Variants in ACCSL observed in about 807,000 individuals in gnomAD.
The protein encoded by ACCSL is 1-aminocyclopropane-1-carboxylate synthase homolog (inactive) like.
Under a neutral mutation model 61.7 loss-of-function variants are expected in ACCSL, and 55 were observed. The observed-to-expected ratio is 0.89, with a 90% confidence interval of 0.72 to 1.12. The LOEUF is 1.12. Among genes scored for constraint, ACCSL ranks in the 50% most tolerant of loss-of-function variants. The probability of loss-of-function intolerance (pLI) is 0.00; values close to 1 mark genes in which losing one functional copy is unlikely to be tolerated. For missense variants in ACCSL, 632 were observed against 698.0 expected, an observed-to-expected ratio of 0.91 and a Z score of 1.07; for synonymous variants, 258 against 264.3, an observed-to-expected ratio of 0.98 and a Z score of 0.23.
At chr11:44,007,017 A>C in the ACCSL span, among the ~76,000 whole-genome samples, 1 of 152,048 alleles carries the variant, frequency 6.6e-6, no homozygotes, top group African/African-American at 2.4e-5. Flanking sequence ...AGCCAATGAG[A>C]GCTCAGAGGA....
At chr11:43,923,010 C>T in the ACCSL span, among the ~76,000 whole-genome samples, 124 of 152,208 alleles carry the variant, frequency 8.1e-4, 1 homozygote, top group Non-Finnish European at 7.8e-4. Context: ...ATTGACAATT[C>T]CTGATAAGTT....
chr11:43,988,256 G>A, the ACCSL span, among the ~76,000 whole-genome samples: 2 of 152,144 alleles, frequency 1.3e-5, no homozygotes, highest in Admixed American at 6.5e-5. Context: ...GGCCTGCCTG[G>A]AGTGCCCACA....
chr11:44,003,779 C>T, the ACCSL span, among the ~76,000 whole-genome samples: 1 of 152,254 alleles, frequency 6.6e-6, no homozygotes, highest in Non-Finnish European at 1.5e-5. Flanking sequence ...TTTTCGCACA[C>T]TCTGCAGTTT....
the ACCSL span, among the ~76,000 whole-genome samples, chr11:44,034,676 A>G: frequency 4.1e-4 from 63 of 152,314 alleles, no homozygotes; most frequent in African/African-American, 1.5e-3. Flanking sequence ...CCATGATTCA[A>G]TTACCTCCTA....
At chr11:43,947,990 G>T in the ACCSL span, among the ~76,000 whole-genome samples, 5 of 152,216 alleles carry the variant, frequency 3.3e-5, no homozygotes, top group Admixed American at 2.6e-4. Flanking sequence ...GCTTCAGCCT[G>T]CAGTCCTAGC....
At chr11:44,050,503 C>T in intron 2 of ACCSL, 49 bp from the exon 3 acceptor site, 1 of 1,566,930 alleles carries the variant, frequency 6.4e-7, no homozygotes, top group East Asian at 2.2e-5. Flanking sequence ...AGAATGAGGC[C>T]TCTTGAACTT....
chr11:44,040,697 G>T, the ACCSL span, among the ~76,000 whole-genome samples: 6 of 152,172 alleles, frequency 3.9e-5, no homozygotes, highest in Non-Finnish European at 8.8e-5. Flanking sequence ...AGTGCTGGTG[G>T]CAGGGTAATG....
At chr11:44,043,651 T>A (rs1952585710), upstream of ACCSL, among the ~76,000 whole-genome samples, 1 of 152,340 alleles carries the variant, frequency 6.6e-6, no homozygotes, top group South Asian at 2.1e-4. Context: ...TTTGTCCCAT[T>A]TTCTCTTCTT....
At chr11:44,018,935 T>C in the ACCSL span, among the ~76,000 whole-genome samples, 1 of 152,228 alleles carries the variant, frequency 6.6e-6, no homozygotes, top group Non-Finnish European at 1.5e-5. Context: ...AAAAAGAAAT[T>C]TGATACCCAT....
the ACCSL span, among the ~76,000 whole-genome samples, chr11:44,024,090 G>A: frequency 6.6e-6 from 1 of 152,192 alleles, no homozygotes; most frequent in Non-Finnish European, 1.5e-5. Context: ...TGAATCAGTG[G>A]ACTCAATAAA....
chr11:43,956,854 G>GT, the ACCSL span, among the ~76,000 whole-genome samples: 12,758 of 152,066 alleles, frequency 0.084, 735 homozygotes, highest in Non-Finnish European at 0.12. Context: ...ATCTGTGGCT[G>GT]TTTTTTTCCC....
chr11:43,948,945 CTG>C, the ACCSL span, among the ~76,000 whole-genome samples: 1 of 152,236 alleles, frequency 6.6e-6, no homozygotes, highest in African/African-American at 2.4e-5. Flanking sequence ...TGAGGCAGAA[CTG>C]TGCTTGGGAG....
chr11:43,921,416 T>C, the ACCSL span, among the ~76,000 whole-genome samples: 149 of 152,346 alleles, frequency 9.8e-4, no homozygotes, highest in Non-Finnish European at 1.7e-3. Context: ...CTAAGAAATA[T>C]GAAATACTTT....
the ACCSL span, among the ~76,000 whole-genome samples, chr11:43,924,733 C>G: frequency 1.3e-5 from 2 of 152,236 alleles, no homozygotes; most frequent in African/African-American, 4.8e-5. Context: ...GGGGTTCGGT[C>G]AGGACACCAG....
chr11:43,972,555 G>A, the ACCSL span, among the ~76,000 whole-genome samples: 8 of 152,118 alleles, frequency 5.3e-5, no homozygotes, highest in Middle Eastern at 3.2e-3. Flanking sequence ...CCAGTCCTGC[G>A]GGTGACCAGA....
At chr11:44,014,340 G>A in the ACCSL span, among the ~76,000 whole-genome samples, 2 of 152,156 alleles carry the variant, frequency 1.3e-5, no homozygotes, top group African/African-American at 4.8e-5. Flanking sequence ...GGCTCACTCT[G>A]TGGCCCTTGG....
chr11:43,973,461 T>G, the ACCSL span, among the ~76,000 whole-genome samples: 4 of 135,008 alleles, frequency 3.0e-5, no homozygotes, highest in Non-Finnish European at 4.8e-5. Flanking sequence ...TATCTATCTA[T>G]CTCCTGGAAA....
chr11:43,926,830 G>T, the ACCSL span, among the ~76,000 whole-genome samples: 1 of 152,172 alleles, frequency 6.6e-6, no homozygotes, highest in Non-Finnish European at 1.5e-5. Flanking sequence ...GCTCACTGCA[G>T]CCTTGACCTC....
the ACCSL span, among the ~76,000 whole-genome samples, chr11:43,968,373 C>A: frequency 1.3e-5 from 2 of 151,422 alleles, no homozygotes; most frequent in African/African-American, 4.9e-5. Context: ...TGCCCCCCAA[C>A]CCCCGCAAGC....
Sources: allele counts gnomAD v4.1 joint callset (sites outside exome capture counted in the v4.1 genomes callset), GRCh38; gene constraint gnomAD v4.1.1; transcripts MANE v1.5; gene names NCBI Gene and HGNC (gene_info 2026-07-23, HGNC 2026-07-21).